The following STAG1 variants were observed in gnomAD, a reference collection of about 807,000 sequenced individuals.
STAG1 encodes the protein cohesin subunit SA-1.
In STAG1, 26 loss-of-function variants were observed where a neutral mutation model predicts 170.9. The observed-to-expected ratio is 0.15, with a 90% CI of 0.11 to 0.21. STAG1 has a LOEUF of 0.21. STAG1 is among the 10% of genes least tolerant of loss of function. The pLI is 1.00. For synonymous variants in STAG1, 514 were observed against 497.7 expected, an observed-to-expected ratio of 1.03 and a Z score of -0.44; for missense variants, 964 against 1,509.5, an observed-to-expected ratio of 0.64 and a Z score of 5.99.
chr3:136,425,124 C>T (rs746353046), intron 16 of STAG1, among the ~76,000 whole-genome samples: 32 of 152,174 alleles, frequency 2.1e-4, no homozygotes, highest in Admixed American at 8.5e-4. Flanking sequence ...AGGCATGAGC[C>T]ACCATGCCCA....
chr3:136,576,794 T>G (rs1411721820), intron 4 of STAG1, among the ~76,000 whole-genome samples: 1 of 152,184 alleles, frequency 6.6e-6, no homozygotes, highest in African/African-American at 2.4e-5. Context: ...TTCTATTAGG[T>G]TAAGTATACT....
intron 3 of STAG1, among the ~76,000 whole-genome samples, chr3:136,617,300 T>A (rs1191458521): frequency 1.3e-5 from 2 of 152,186 alleles, no homozygotes. Context: ...CTGGTCTTAA[T>A]GGAGGTACAA....
At chr3:136,646,656 C>T (rs958158106) in intron 1 of STAG1, among the ~76,000 whole-genome samples, 3 of 152,068 alleles carry the variant, frequency 2.0e-5, no homozygotes, top group African/African-American at 7.2e-5. Context: ...ACCTGTAATC[C>T]CAGCACTTTG....
intron 3 of STAG1, chr3:136,608,947 G>A (rs1939113262): frequency 6.6e-6 from 1 of 152,276 alleles, no homozygotes; most frequent in South Asian, 2.1e-4. Flanking sequence ...GCGGGTATCA[G>A]TAGCTCAGGC....
intron 6 of STAG1, among the ~76,000 whole-genome samples, chr3:136,532,809 T>C (rs1000511400): frequency 5.9e-5 from 9 of 152,170 alleles, no homozygotes; most frequent in Admixed American, 4.6e-4. Context: ...ACAGGTAACA[T>C]CATACTGAAT....
Position 136,669,534 on chromosome 3 carries a change from A to G in STAG1, c.-83-38553T>C, listed in dbSNP as rs183098576. On this transcript the variant is annotated intron_variant, in intron 1 of 33. Coordinates refer to ENST00000383202, the MANE Select transcript of STAG1 (RefSeq NM_005862.3). ...CATGCCTAACTAAATTTTTATTTTTATTTTTGTAGAGATAGGGTCTCACCA... is the reference window on the plus strand; with the variant it reads ...CATGCCTAACTAAATTTTTATTTTTGTTTTTGTAGAGATAGGGTCTCACCA... Among the ~76,000 whole-genome samples, 94 of 151,792 alleles carry G rather than the reference A, an allele frequency of 6.2e-4. 1 individual carries two copies. Among genetic ancestry groups the G allele is most frequent in the African/African-American group, 2.2e-3 (90 of 41,402 alleles).
intron 21 of STAG1, among the ~76,000 whole-genome samples, chr3:136,412,896 C>A (rs1347257791): frequency 6.9e-6 from 1 of 143,986 alleles, no homozygotes; most frequent in African/African-American, 2.6e-5. Flanking sequence ...GAATCTTGTT[C>A]TATCACCCAG....
chr3:136,687,036 G>A (rs141224735), intron 1 of STAG1, among the ~76,000 whole-genome samples: 58 of 152,210 alleles, frequency 3.8e-4, no homozygotes, highest in African/African-American at 1.4e-3. Flanking sequence ...CATGTTTCTT[G>A]GTAAAGTATC....
intron 6 of STAG1, among the ~76,000 whole-genome samples, chr3:136,526,438 C>A (rs1241577997): frequency 6.6e-6 from 1 of 151,612 alleles, no homozygotes; most frequent in African/African-American, 2.4e-5. Flanking sequence ...TTTTGTTTTC[C>A]ATTTGCTTGG....
intron 6 of STAG1, among the ~76,000 whole-genome samples, chr3:136,524,767 C>T (rs1034716910): frequency 1.3e-5 from 2 of 152,110 alleles, no homozygotes; most frequent in South Asian, 4.1e-4. Context: ...TGAGATACGT[C>T]CCATCAATAC....
intron 1 of STAG1, among the ~76,000 whole-genome samples, chr3:136,638,469 AACAGT>A (rs1309869981): frequency 6.6e-6 from 1 of 152,102 alleles, no homozygotes; most frequent in East Asian, 1.9e-4. Flanking sequence ...AAACCTAGTA[AACAGT>A]TGTTGAATTA....
intron 25 of STAG1, among the ~76,000 whole-genome samples, chr3:136,365,522 G>A (rs574488712): frequency 2.0e-5 from 3 of 152,208 alleles, no homozygotes; most frequent in South Asian, 2.1e-4. Context: ...CTCCACAAAT[G>A]CCTGGGATCC....
intron 21 of STAG1, among the ~76,000 whole-genome samples, chr3:136,415,888 A>G (rs540746461): frequency 6.6e-6 from 1 of 152,306 alleles, no homozygotes; most frequent in South Asian, 2.1e-4. Context: ...ATCTTAAGAG[A>G]TATTTCTCAG....
chr3:136,363,337 C>A (rs1379939967), intron 26 of STAG1, 29 bp downstream of exon 26: 2 of 1,172,768 alleles, frequency 1.7e-6, no homozygotes, highest in East Asian at 2.4e-5. Context: ...TATTTCCATT[C>A]TTTGTCTCCC....
At chr3:136,347,153 G>A (rs1360431016) in intron 29 of STAG1, among the ~76,000 whole-genome samples, 2 of 150,622 alleles carry the variant, frequency 1.3e-5, no homozygotes, top group Non-Finnish European at 3.0e-5. Flanking sequence ...CCAGCACTTT[G>A]AGAAGCCAAG....
At chr3:136,618,323 C>T (rs1191873627) in intron 3 of STAG1, among the ~76,000 whole-genome samples, 1 of 152,222 alleles carries the variant, frequency 6.6e-6, no homozygotes, top group African/African-American at 2.4e-5. Context: ...CAGCAGGCGC[C>T]ACATGCGTCA....
intron 4 of STAG1, among the ~76,000 whole-genome samples, chr3:136,581,478 T>G (rs1489586943): frequency 6.6e-6 from 1 of 152,218 alleles, no homozygotes; most frequent in Admixed American, 6.5e-5. Flanking sequence ...TGTCTTTTTA[T>G]CAAAGAAACG....
At chr3:136,523,220 T>C (rs1027706745) in intron 6 of STAG1, among the ~76,000 whole-genome samples, 9 of 152,192 alleles carry the variant, frequency 5.9e-5, no homozygotes, top group Non-Finnish European at 1.2e-4. Flanking sequence ...CCCCATCCTC[T>C]TCAGTACCTG....
chr3:136,523,904 T>A (rs1483838557), intron 6 of STAG1, among the ~76,000 whole-genome samples: 1 of 152,196 alleles, frequency 6.6e-6, no homozygotes. Context: ...CAGATAGTTG[T>A]AGACGTGTGA....
Sources: gnomAD v4.1 joint callset for allele counts (sites outside exome capture counted in the v4.1 genomes callset) on GRCh38, gnomAD v4.1.1 for gene constraint, MANE v1.5 for transcripts, NCBI Gene and HGNC (gene_info 2026-07-23, HGNC 2026-07-21) for gene names.